The following PAPPA2 variants were observed in gnomAD, a reference collection of about 807,000 sequenced individuals.
PAPPA2 encodes the protein pappalysin-2.
PAPPA2 carries 86 observed loss-of-function variants against 176.4 expected under a neutral mutation model. The ratio of observed to expected loss-of-function variants is 0.49; its 90% CI spans 0.41 to 0.58. The LOEUF (loss-of-function observed/expected upper bound fraction) is 0.58. Among genes scored for constraint, PAPPA2 ranks in the 20% least tolerant of loss-of-function variants. PAPPA2 has a pLI of 0.00. For synonymous variants in PAPPA2, 809 were observed against 852.2 expected, an observed-to-expected ratio of 0.95 and a Z score of 0.88; for missense variants, 2,073 against 2,256.9, an observed-to-expected ratio of 0.92 and a Z score of 1.65.
intron 14 of PAPPA2, among the ~76,000 whole-genome samples, chr1:176,747,031 T>C (rs1009227051): frequency 3.3e-5 from 5 of 152,322 alleles, no homozygotes; most frequent in African/African-American, 7.2e-5. Flanking sequence ...AAATTTACTT[T>C]ATTTGGGATT....
At chr1:176,691,094 T>C in intron 5 of PAPPA2, 1 of 985,264 alleles carries the variant, frequency 1.0e-6, no homozygotes, top group Non-Finnish European at 1.2e-6. Flanking sequence ...TTCTGTATTA[T>C]TCTTCGCTGT....
chr1:176,771,189 A>T lies in PAPPA2; in HGVS notation c.4715+9A>T. The T allele has an allele frequency of 6.2e-7, 1 of 1,612,538 alleles. No individual in the cohort carries two copies. Among genetic ancestry groups the T allele is most frequent in the Non-Finnish European group, 8.5e-7 (1 of 1,178,590 alleles). ...GAGGGTAAAGTCAGGAAGTAAGTTGAATGTTCCTGGTCTTTGGAGTTCTAC... is the reference window on the plus strand; with the variant it reads ...GAGGGTAAAGTCAGGAAGTAAGTTGTATGTTCCTGGTCTTTGGAGTTCTAC... On this transcript the variant is annotated intron_variant, in intron 17 of 22. Transcript: ENST00000367662.
intron 1 of PAPPA2, among the ~76,000 whole-genome samples, chr1:176,485,881 A>G (rs1255280738): frequency 3.3e-5 from 5 of 152,248 alleles, no homozygotes; most frequent in African/African-American, 1.2e-4. Context: ...TGAAAACTCA[A>G]AGAAGCATTT....
chr1:176,466,781 A>C (rs968225756), intron 1 of PAPPA2, among the ~76,000 whole-genome samples: 1 of 152,298 alleles, frequency 6.6e-6, no homozygotes, highest in Admixed American at 6.5e-5. Flanking sequence ...AATCAGTGCA[A>C]AAGGGGATTT....
intron 1 of PAPPA2, among the ~76,000 whole-genome samples, chr1:176,472,321 G>A (rs921845281): frequency 7.2e-5 from 11 of 152,146 alleles, no homozygotes; most frequent in Admixed American, 1.3e-4. Flanking sequence ...AACATATTTG[G>A]TGGGTTTCAA....
At chr1:176,559,111 C>T (rs143575240) in intron 2 of PAPPA2, among the ~76,000 whole-genome samples, 4 of 152,330 alleles carry the variant, frequency 2.6e-5, no homozygotes, top group Non-Finnish European at 4.4e-5. Context: ...CACCTGTCCA[C>T]CGCCTCCAAC....
chr1:176,828,634 A>AT (rs1666950678), intron 21 of PAPPA2, among the ~76,000 whole-genome samples: 1 of 152,164 alleles, frequency 6.6e-6, no homozygotes, highest in Admixed American at 6.5e-5. Context: ...ATATGTATAC[A>AT]ATTGCATATA....
intron 12 of PAPPA2, among the ~76,000 whole-genome samples, chr1:176,713,019 T>G (rs1021212502): frequency 5.9e-5 from 9 of 152,338 alleles, no homozygotes; most frequent in African/African-American, 2.2e-4. Context: ...GAGTTGTCTG[T>G]CATTTTCTTC....
chr1:176,609,203 A>G (rs1285924420), intron 3 of PAPPA2, among the ~76,000 whole-genome samples: 1 of 152,234 alleles, frequency 6.6e-6, no homozygotes, highest in East Asian at 1.9e-4. Flanking sequence ...TTTTTGCTCC[A>G]GCGTAGTCAC....
chr1:176,509,891 G>A (rs1169725134), intron 1 of PAPPA2, among the ~76,000 whole-genome samples: 1 of 151,824 alleles, frequency 6.6e-6, no homozygotes, highest in Non-Finnish European at 1.5e-5. Flanking sequence ...CACATTAGCT[G>A]GGCATGGTGA....
At chr1:176,554,667 C>T (rs1017511780) in intron 1 of PAPPA2, among the ~76,000 whole-genome samples, 1 of 152,124 alleles carries the variant, frequency 6.6e-6, no homozygotes, top group Non-Finnish European at 1.5e-5. Flanking sequence ...TTTATTTGCT[C>T]ACTCAGCATA....
At chr1:176,630,693 T>C (rs1656289253) in intron 3 of PAPPA2, among the ~76,000 whole-genome samples, 1 of 152,164 alleles carries the variant, frequency 6.6e-6, no homozygotes, top group African/African-American at 2.4e-5. Context: ...AAGAGCTAAC[T>C]ATACAGGCTC....
intron 1 of PAPPA2, among the ~76,000 whole-genome samples, chr1:176,488,351 T>C (rs1652738386): frequency 6.6e-6 from 1 of 152,132 alleles, no homozygotes; most frequent in Non-Finnish European, 1.5e-5. Context: ...CCCATATATA[T>C]TGGTTTATAT....
chr1:176,580,385 T>C (rs1410858992), intron 2 of PAPPA2, among the ~76,000 whole-genome samples: 2 of 152,234 alleles, frequency 1.3e-5, no homozygotes, highest in Non-Finnish European at 2.9e-5. Flanking sequence ...GTTTATATAC[T>C]GCATCTTCTT....
intron 1 of PAPPA2, among the ~76,000 whole-genome samples, chr1:176,546,234 A>AT (rs1294125149): frequency 2.0e-5 from 3 of 152,084 alleles, no homozygotes; most frequent in Non-Finnish European, 4.4e-5. Context: ...AAGCAGAGTG[A>AT]TTTTTGCTAC....
intron 1 of PAPPA2, among the ~76,000 whole-genome samples, chr1:176,520,780 T>C (rs1649174004): frequency 6.6e-6 from 1 of 152,094 alleles, no homozygotes; most frequent in Non-Finnish European, 1.5e-5. Context: ...AACCAGCCTC[T>C]CCTGGAATTG....
intron 1 of PAPPA2, among the ~76,000 whole-genome samples, chr1:176,535,192 C>T (rs987103528): frequency 6.6e-6 from 1 of 152,128 alleles, no homozygotes; most frequent in Non-Finnish European, 1.5e-5. Flanking sequence ...GGCATGTTCT[C>T]TTCTCCTTTC....
chr1:176,832,249 A>G (rs1176172293), intron 21 of PAPPA2, among the ~76,000 whole-genome samples: 1 of 152,182 alleles, frequency 6.6e-6, no homozygotes, highest in Non-Finnish European at 1.5e-5. Context: ...TATTTTTCTC[A>G]TTCACTAACA....
At chr1:176,577,856 T>C (rs1652743180) in intron 2 of PAPPA2, among the ~76,000 whole-genome samples, 1 of 152,120 alleles carries the variant, frequency 6.6e-6, no homozygotes, top group African/African-American at 2.4e-5. Context: ...TTTTTGCTCA[T>C]TTTCCTCCTA....
Sources: allele counts gnomAD v4.1 joint callset (sites outside exome capture counted in the v4.1 genomes callset), GRCh38; gene constraint gnomAD v4.1.1; transcripts MANE v1.5; gene names NCBI Gene and HGNC (gene_info 2026-07-23, HGNC 2026-07-21).